Variants in MYOM2 observed in about 807,000 individuals in gnomAD.
MYOM2 encodes the protein myomesin-2.
In MYOM2, 254 loss-of-function variants were observed where a neutral mutation model predicts 187.6. The observed-to-expected ratio is 1.35, with a 90% CI of 1.22 to 1.50. The LOEUF (loss-of-function observed/expected upper bound fraction) is 1.50, where lower values mean the gene tolerates loss of function less well. Ranked by LOEUF, MYOM2 falls within the 40% of genes most tolerant of loss-of-function variation. MYOM2 has a pLI of 0.00. For missense variants in MYOM2, 2,796 were observed against 1,924.0 expected (o/e 1.45, Z -8.48); for synonymous variants, 981 against 753.8 (o/e 1.30, Z -4.94).
chr8:2,130,144 C>T (rs1797807265), intron 32 of MYOM2, among the ~76,000 whole-genome samples: 1 of 124,264 alleles, frequency 8.0e-6, no homozygotes, highest in Non-Finnish European at 1.6e-5. Context: ...AGGGCGTCCC[C>T]ACCGCGCCTT....
intron 3 of MYOM2, among the ~76,000 whole-genome samples, chr8:2,054,748 A>G (rs1183899675): frequency 6.6e-6 from 1 of 152,212 alleles, no homozygotes; most frequent in Non-Finnish European, 1.5e-5. Context: ...GCGCAGACCA[A>G]GCTTTGTCTT....
chr8:2,061,484 G>C (rs1342479632), intron 6 of MYOM2, among the ~76,000 whole-genome samples: 1 of 152,084 alleles, frequency 6.6e-6, no homozygotes, highest in African/African-American at 2.4e-5. Context: ...CCTTCCTCCT[G>C]TTCCCGACTC....
chr8:2,097,430 G>A (rs1022076576), intron 18 of MYOM2, among the ~76,000 whole-genome samples: 2 of 152,164 alleles, frequency 1.3e-5, no homozygotes, highest in Non-Finnish European at 2.9e-5. Context: ...ATTATGGAAT[G>A]ATTAAATCAA....
At chr8:2,087,492 G>A (rs983321504) in intron 14 of MYOM2, among the ~76,000 whole-genome samples, 2 of 152,210 alleles carry the variant, frequency 1.3e-5, no homozygotes, top group East Asian at 1.9e-4. Context: ...AGTTATTTGT[G>A]TTACGAAAAT....
intron 32 of MYOM2, among the ~76,000 whole-genome samples, chr8:2,135,346 T>G (rs1798031720): frequency 6.6e-6 from 1 of 152,232 alleles, no homozygotes. Flanking sequence ...AGCAATTCAT[T>G]TGCAACATAG....
At chr8:2,057,897 C>G (rs140178155) in intron 5 of MYOM2, 117 bp downstream of exon 5, 1 of 1,022,080 alleles carries the variant, frequency 9.8e-7, no homozygotes, top group Non-Finnish European at 1.4e-6. Flanking sequence ...TACCTTGAAA[C>G]TCTAAGCAGA....
At chr8:2,085,205 G>A (rs1378487402) in intron 13 of MYOM2, 58 bp from the exon 14 acceptor site, 6 of 1,587,992 alleles carry the variant, frequency 3.8e-6, no homozygotes, top group African/African-American at 1.3e-5. Flanking sequence ...CCCCGAGGTG[G>A]GCTGCAGCGA....
chr8:2,072,491 G>T lies in MYOM2; in HGVS notation c.940G>T (p.Ala314Ser). 3.1e-6 allele frequency: 5 copies of T among 1,613,460 alleles called. No individual in the cohort carries two copies. Among genetic ancestry groups the T allele is most frequent in the Non-Finnish European group, 4.2e-6 (5 of 1,180,012 alleles). The change falls in exon 9 of 37, where the codon GCC (alanine) becomes TCC (serine). Residue 314 changes from alanine to serine, a missense_variant. Coordinates refer to ENST00000262113, the MANE Select transcript of MYOM2 (RefSeq NM_003970.4). ...GGACCTGAAGCGGGTGCAGCCGCGCGCCGAGTGGTACCGCGATGGTGAGTA... is the reference window on the plus strand; with the variant it reads ...GGACCTGAAGCGGGTGCAGCCGCGCTCCGAGTGGTACCGCGATGGTGAGTA... ...TPDLKRVQPR[A>S]EWYRDDVLLK...
chr8:2,072,279 T>A (rs1819252360), intron 8 of MYOM2, 66 bp from the exon 9 acceptor site: 1 of 1,090,700 alleles, frequency 9.2e-7, no homozygotes. Context: ...CCTTCGGCCA[T>A]GAAAGCCTCC....
intron 13 of MYOM2, among the ~76,000 whole-genome samples, chr8:2,083,156 C>A (rs1336360409): frequency 6.6e-6 from 1 of 152,172 alleles, no homozygotes; most frequent in East Asian, 1.9e-4. Flanking sequence ...ATGCATATAA[C>A]ATATAATAAT....
At chr8:2,096,960 G>C (rs1431299701) in intron 18 of MYOM2, 2 of 200,702 alleles carry the variant, frequency 1.0e-5, no homozygotes, top group Non-Finnish European at 1.8e-5. Flanking sequence ...TCAGAGATCT[G>C]GGGTCAGATC....
At chr8:2,121,799 G>T (rs147382143) in intron 28 of MYOM2, among the ~76,000 whole-genome samples, 1 of 152,346 alleles carries the variant, frequency 6.6e-6, no homozygotes, top group African/African-American at 2.4e-5. Flanking sequence ...TGGAGAATTA[G>T]CGCTGACTCT....
At chr8:2,087,535 G>T (rs1796135493) in intron 14 of MYOM2, among the ~76,000 whole-genome samples, 1 of 152,160 alleles carries the variant, frequency 6.6e-6, no homozygotes, top group African/African-American at 2.4e-5. Flanking sequence ...GGGTCTCCTA[G>T]GGTGGAAGGT....
intron 27 of MYOM2, among the ~76,000 whole-genome samples, chr8:2,117,194 T>C (rs1480238493): frequency 2.0e-5 from 3 of 152,242 alleles, no homozygotes; most frequent in African/African-American, 7.2e-5. Flanking sequence ...TCACAAATAT[T>C]TTACTTACTT....
At chr8:2,126,251 C>T (rs527863239) in intron 31 of MYOM2, among the ~76,000 whole-genome samples, 1 of 152,148 alleles carries the variant, frequency 6.6e-6, no homozygotes, top group African/African-American at 2.4e-5. Flanking sequence ...CAGAACTTCC[C>T]ATATCAATAG....
At chr8:2,142,745 C>T (rs1382058110) in intron 35 of MYOM2, among the ~76,000 whole-genome samples, 3 of 720 alleles carry the variant, frequency 4.2e-3, no homozygotes, top group African/African-American at 9.7e-3. Context: ...TCCCTTCCTC[C>T]CCTCCCTCCC....
In MYOM2 at chr8:2,085,589, GTGGCCCCA is replaced by G. The variant is rs1819832303; in HGVS notation, c.1644+200_1644+207del. 7.7e-4 allele frequency among the ~76,000 whole-genome samples: 11 copies of G among 14,252 alleles called. 3 individuals carry two copies. Among genetic ancestry groups the G allele is most frequent in the Middle Eastern group, 0.042 (1 of 24 alleles). The allele number at this position is 14,252 out of a possible 152,430, so 9.3% of individuals were successfully genotyped here. A position where few individuals can be genotyped will look rare whatever the true frequency, so the allele number is the denominator to read the frequency against. ...GTGGCCCCACTGTTGTGATCTCTGC[GTGGCCCCA>G]CTGTCGTGATCTCTGCGTGGCCCCC... On this transcript the variant is annotated intron_variant, in intron 14 of 36. Coordinates refer to ENST00000262113, the MANE Select transcript of MYOM2 (RefSeq NM_003970.4).
intron 13 of MYOM2, among the ~76,000 whole-genome samples, chr8:2,080,623 C>T (rs1236489032): frequency 1.2e-4 from 18 of 152,224 alleles, no homozygotes; most frequent in Non-Finnish European, 4.4e-5. Context: ...AGGAGGACAA[C>T]TTCTTGCAGT....
rs144782809 is a variant in MYOM2 at position 2,087,921 on chromosome 8, AG to A, written c.1645-2085del. On this transcript the variant is annotated intron_variant, in intron 14 of 36. Transcript: ENST00000262113. ...AGACACTTTAGTGTGTTTACAGGCC[AG>A]GCAAGCCACAACACCTGTCCTGCAA... Among the ~76,000 whole-genome samples, 261 of 152,334 alleles carry A rather than the reference AG, an allele frequency of 1.7e-3. 3 individuals carry two copies. The East Asian group carries it at 0.041, about 24-fold the overall frequency.
Sources: gnomAD v4.1 joint callset for allele counts (sites outside exome capture counted in the v4.1 genomes callset) on GRCh38, gnomAD v4.1.1 for gene constraint, MANE v1.5 for transcripts, NCBI Gene and HGNC (gene_info 2026-07-23, HGNC 2026-07-21) for gene names.